The following MED13L variants were observed in gnomAD, a reference collection of about 807,000 sequenced individuals.
MED13L encodes the protein mediator complex subunit 13L.
Under a neutral mutation model 220.9 loss-of-function variants are expected in MED13L, and 7 were observed. The ratio of observed to expected loss-of-function variants is 0.03; its 90% CI spans 0.02 to 0.06. The LOEUF is 0.06. MED13L is among the 10% of genes least tolerant of loss of function. The probability of loss-of-function intolerance (pLI) is 1.00; values close to 1 mark genes in which losing one functional copy is unlikely to be tolerated. For missense variants in MED13L, 1,965 were observed against 2,760.5 expected (o/e 0.71, Z 6.46); for synonymous variants, 1,011 against 1,015.2 (o/e 1.00, Z 0.08).
At chr12:116,165,246 A>C (rs1009225137) in intron 2 of MED13L, among the ~76,000 whole-genome samples, 6 of 147,898 alleles carry the variant, frequency 4.1e-5, no homozygotes, top group Admixed American at 4.0e-4. Flanking sequence ...AAGGCAATGA[A>C]GTAGGCACCA....
At chr12:116,246,658 GAC>G (rs1407140508) in intron 1 of MED13L, among the ~76,000 whole-genome samples, 1 of 144,870 alleles carries the variant, frequency 6.9e-6, no homozygotes, top group Non-Finnish European at 1.5e-5. Context: ...CAGACTGACA[GAC>G]ACAGCTGAAG....
At chr12:115,996,971 A>G in intron 15 of MED13L, 39 bp downstream of exon 15, 1 of 1,574,634 alleles carries the variant, frequency 6.4e-7, no homozygotes. Flanking sequence ...CCACTTGGAA[A>G]CTGCTCTGCC....
At chr12:116,128,202 T>C (rs1413030025) in intron 2 of MED13L, among the ~76,000 whole-genome samples, 1 of 152,188 alleles carries the variant, frequency 6.6e-6, no homozygotes, top group African/African-American at 2.4e-5. Context: ...ATGTCAATCC[T>C]TGTGTGCTTA....
intron 2 of MED13L, among the ~76,000 whole-genome samples, chr12:116,147,973 C>T (rs1268946970): frequency 2.1e-5 from 3 of 143,580 alleles, no homozygotes; most frequent in Non-Finnish European, 3.0e-5. Flanking sequence ...CTTCTCCTGG[C>T]CCGGGAGGCA....
intron 2 of MED13L, among the ~76,000 whole-genome samples, chr12:116,118,851 C>T (rs1165800050): frequency 2.0e-5 from 3 of 152,102 alleles, no homozygotes; most frequent in South Asian, 4.1e-4. Context: ...GCAAACCACT[C>T]GGAAGCAAAA....
intron 2 of MED13L, among the ~76,000 whole-genome samples, chr12:116,156,546 T>G (rs1878457688): frequency 6.6e-6 from 1 of 152,098 alleles, no homozygotes; most frequent in African/African-American, 2.4e-5. Flanking sequence ...AGTTTCCAAG[T>G]ACCAACCTCC....
At chr12:116,021,536 T>C (rs1041338505) in intron 5 of MED13L, among the ~76,000 whole-genome samples, 2 of 152,174 alleles carry the variant, frequency 1.3e-5, no homozygotes, top group Non-Finnish European at 2.9e-5. Context: ...GATGCTTTCA[T>C]TGAATTAAAT....
At chr12:116,132,137 A>G (rs1876123723) in intron 2 of MED13L, among the ~76,000 whole-genome samples, 1 of 151,774 alleles carries the variant, frequency 6.6e-6, no homozygotes, top group South Asian at 2.1e-4. Flanking sequence ...AAAAATTAGC[A>G]GGTCATGACG....
intron 4 of MED13L, among the ~76,000 whole-genome samples, chr12:116,028,774 C>CA (rs1158892428): frequency 1.1e-4 from 16 of 152,134 alleles, no homozygotes; most frequent in Admixed American, 1.0e-3. Flanking sequence ...ACAAGTATTC[C>CA]ACGCCTTCTC....
chr12:115,962,565 A>G (rs1012148392), intron 30 of MED13L: 4 of 152,302 alleles, frequency 2.6e-5, no homozygotes, highest in African/African-American at 9.6e-5. Context: ...ATAATTATAC[A>G]TTAATCTATA....
chr12:115,987,236 G>A lies in MED13L; in HGVS notation c.3987C>T (p.Ser1329=). Residue 1329 remains serine (S), a synonymous_variant, in exon 18 of 31, where the codon TCC becomes TCT. Transcript: ENST00000281928. ...TGGCATCTTGGAGAAAGGGCTGCAG[G>A]GACAACAGCATACGAACCACATCCT... ...SSQDVVRMLL[S]LQPFLQDAIQ... is the part of the protein sequence containing the mutation. The A allele has an allele frequency of 6.2e-7, 1 of 1,613,852 alleles. No homozygotes were observed. Among genetic ancestry groups the A allele is most frequent in the Non-Finnish European group, 8.5e-7 (1 of 1,180,006 alleles).
chr12:116,226,426 A>G (rs1181061394), intron 2 of MED13L, among the ~76,000 whole-genome samples: 2 of 152,200 alleles, frequency 1.3e-5, no homozygotes, highest in African/African-American at 2.4e-5. Flanking sequence ...GTTCAAAAAT[A>G]TTTACATAGA....
At chr12:115,998,945 A>G (rs1878576474) in intron 14 of MED13L, among the ~76,000 whole-genome samples, 1 of 152,084 alleles carries the variant, frequency 6.6e-6, no homozygotes, top group South Asian at 2.1e-4. Context: ...AGGCACCTTA[A>G]AAATTTATAG....
intron 23 of MED13L, among the ~76,000 whole-genome samples, chr12:115,977,354 A>C (rs1301082800): frequency 2.0e-5 from 3 of 152,206 alleles, no homozygotes; most frequent in Non-Finnish European, 4.4e-5. Context: ...TAGGGATTCA[A>C]AACTCAGGCT....
intron 1 of MED13L, among the ~76,000 whole-genome samples, chr12:116,273,869 C>G (rs1353169192): frequency 6.6e-6 from 1 of 152,166 alleles, no homozygotes; most frequent in African/African-American, 2.4e-5. Flanking sequence ...ACTTAACATC[C>G]AGAAATTATG....
At chr12:115,993,452 A>G (rs987593214) in intron 16 of MED13L, among the ~76,000 whole-genome samples, 3 of 152,150 alleles carry the variant, frequency 2.0e-5, no homozygotes, top group Non-Finnish European at 2.9e-5. Flanking sequence ...TTTCCTTGTG[A>G]TTTTTAATTA....
chr12:116,249,874 C>G (rs972726928), intron 1 of MED13L, among the ~76,000 whole-genome samples: 3 of 150,300 alleles, frequency 2.0e-5, no homozygotes, highest in Non-Finnish European at 3.0e-5. Context: ...CAGTATCAGG[C>G]AATCTAACAT....
rs1015830350 is a variant in MED13L, at chr12:115,983,052, T to A, written c.4955+65A>T. 3.9e-6 allele frequency: 6 copies of A among 1,533,412 alleles called. No individual in the cohort carries two copies. In the African/African-American group the frequency reaches 6.8e-5, roughly 17 times the overall value. The allele number at this position is 1,533,412 out of a possible 1,614,324, so 95.0% of individuals were successfully genotyped here. ...AATCATGAGGTCAAGGGAGAAAAGG[T>A]GCAGAAGAAGAAGAGAGAAAGGGTC... On this transcript the variant is annotated intron_variant, in intron 21 of 30. Transcript: ENST00000281928.
At position 116,078,806 on chromosome 12, in the gene MED13L, T is replaced by C. The variant is rs146032894; in HGVS notation, c.479+17863A>G. Among the ~76,000 whole-genome samples the C allele has an allele frequency of 6.5e-3, 995 of 152,220 alleles. 5 individuals carry two copies. Among genetic ancestry groups the C allele is most frequent in the Non-Finnish European group, 0.011 (716 of 68,016 alleles). On this transcript the variant is annotated intron_variant, in intron 4 of 30. Coordinates refer to ENST00000281928, the MANE Select transcript of MED13L (RefSeq NM_015335.5). ...CATACAAACCACATCTACTTTGAAATTGTCTAAGAATATAAAATCTCATGA... is the reference window on the plus strand; with the variant it reads ...CATACAAACCACATCTACTTTGAAACTGTCTAAGAATATAAAATCTCATGA...
Sources: allele counts gnomAD v4.1 joint callset (sites outside exome capture counted in the v4.1 genomes callset), GRCh38; gene constraint gnomAD v4.1.1; transcripts MANE v1.5; gene names NCBI Gene and HGNC (gene_info 2026-07-23, HGNC 2026-07-21).